The following RAB11FIP4 variants were observed in gnomAD, a reference collection of about 807,000 sequenced individuals.
The protein encoded by RAB11FIP4 is RAB11 family interacting protein 4, also known as rab11 family-interacting protein 4.
A neutral mutation model predicts 74.3 loss-of-function variants in RAB11FIP4; 23 were observed. That is an observed-to-expected ratio of 0.31 (90% confidence interval 0.22 to 0.44). RAB11FIP4 has a LOEUF of 0.44. RAB11FIP4 is among the 20% of genes least tolerant of loss of function. The probability of loss-of-function intolerance (pLI) is 1.00; values close to 1 mark genes in which losing one functional copy is unlikely to be tolerated. For synonymous variants in RAB11FIP4, 360 were observed against 359.9 expected (o/e 1.00, Z 0.00); for missense variants, 630 against 863.9 (o/e 0.73, Z 3.39).
At chr17:31,449,950 G>C (rs1331017660) in intron 3 of RAB11FIP4, among the ~76,000 whole-genome samples, 1 of 152,190 alleles carries the variant, frequency 6.6e-6, no homozygotes, top group African/African-American at 2.4e-5. Flanking sequence ...GTGGTGAATA[G>C]ATCAGGGTAA....
intron 3 of RAB11FIP4, among the ~76,000 whole-genome samples, chr17:31,480,252 T>C (rs531791558): frequency 6.6e-6 from 1 of 152,224 alleles, no homozygotes; most frequent in African/African-American, 2.4e-5. Context: ...CCCTGTCAGA[T>C]GTTACTGCTG....
intron 3 of RAB11FIP4, among the ~76,000 whole-genome samples, chr17:31,508,911 G>A (rs1390069308): frequency 6.6e-6 from 1 of 152,180 alleles, no homozygotes; most frequent in Non-Finnish European, 1.5e-5. Flanking sequence ...GACAGCTCAA[G>A]AGTTGTGATG....
intron 9 of RAB11FIP4, 165 bp from the exon 10 acceptor site, chr17:31,524,925 T>G (rs2074148): frequency 0.69 from 538,314 of 784,468 alleles, 186,958 homozygotes; most frequent in African/African-American, 0.87. Context: ...ACCCCCTCTA[T>G]ATGTGCGGTG....
intron 3 of RAB11FIP4, among the ~76,000 whole-genome samples, chr17:31,476,172 C>CTTTTTTTTTTT (rs71369069): frequency 1.3e-4 from 8 of 63,570 alleles, no homozygotes; most frequent in South Asian, 9.1e-4. Context: ...ATCGACTGAA[C>CTTTTTTTTTTT]TTTTTTTTTT....
chr17:31,396,027 T>G (rs2151612321), intron 1 of RAB11FIP4, among the ~76,000 whole-genome samples: 1 of 151,530 alleles, frequency 6.6e-6, no homozygotes, highest in Non-Finnish European at 1.5e-5. Context: ...CTACAAAAAA[T>G]ACAAAAATTA....
chr17:31,496,434 G>A (rs1450020681), intron 3 of RAB11FIP4, among the ~76,000 whole-genome samples: 1 of 152,198 alleles, frequency 6.6e-6, no homozygotes, highest in African/African-American at 2.4e-5. Flanking sequence ...GAAAATGAGG[G>A]CTGGGAGTGG....
At chr17:31,404,189 G>A (rs1054946142) in intron 1 of RAB11FIP4, among the ~76,000 whole-genome samples, 17 of 152,284 alleles carry the variant, frequency 1.1e-4, no homozygotes, top group African/African-American at 2.4e-4. Context: ...CCAGTTGGCC[G>A]CCCCGCCAGC....
In RAB11FIP4 at chr17:31,528,500, A is replaced by G; in HGVS notation, c.1451A>G (p.Gln484Arg). The G allele has an allele frequency of 6.2e-7, 1 of 1,613,872 alleles. No individual in the cohort carries two copies. The highest frequency in any genetic ancestry group is 8.5e-7 in the Non-Finnish European group (1 of 1,180,038). The change falls in exon 12 of 15, where the codon CAG becomes CGG. Residue 484 changes from glutamine (Q) to arginine (R), a missense_variant. Physicochemically the swap from Gln to Arg is conservative, Grantham distance 43. Coordinates refer to ENST00000621161, the MANE Select transcript of RAB11FIP4 (RefSeq NM_032932.6). The part of the protein sequence containing the change: ...LYKRMMDKLR[Q>R]NRLEFQKERE... ...AAGCGCATGATGGACAAGCTGCGAC[A>G]GAACCGCCTTGAGTTCCAGAAGGAG...
At position 31,403,369 on chromosome 17, in the gene RAB11FIP4, C is replaced by T. The variant is rs925037482; in HGVS notation, c.159+11358C>T. 2.6e-5 allele frequency among the ~76,000 whole-genome samples: 4 copies of T among 151,686 alleles called. No homozygotes were observed. In the East Asian group the frequency reaches 7.7e-4, roughly 29 times the overall value. On this transcript the variant is annotated intron_variant, in intron 1 of 14. Coordinates refer to ENST00000621161, the MANE Select transcript of RAB11FIP4 (RefSeq NM_032932.6). ...ATGGAGTCTCGCTCTGTCACCCAGG[C>T]TGGAGTGCAGTGGCGCAATCTCGGC...
At chr17:31,413,621 C>T (rs1226178342) in intron 1 of RAB11FIP4, among the ~76,000 whole-genome samples, 1 of 152,024 alleles carries the variant, frequency 6.6e-6, no homozygotes, top group Non-Finnish European at 1.5e-5. Context: ...ATTCCCATTC[C>T]CCACACCTGC....
At chr17:31,398,631 A>G (rs1005211318) in intron 1 of RAB11FIP4, among the ~76,000 whole-genome samples, 1 of 152,256 alleles carries the variant, frequency 6.6e-6, no homozygotes, top group African/African-American at 2.4e-5. Context: ...ATGGGCGTCC[A>G]GCCCATGAAG....
At chr17:31,393,241 C>T (rs984844151) in intron 1 of RAB11FIP4, among the ~76,000 whole-genome samples, 6 of 152,222 alleles carry the variant, frequency 3.9e-5, no homozygotes, top group East Asian at 1.9e-4. Flanking sequence ...CTGCCCTCTG[C>T]GGGGCTTTGC....
intron 3 of RAB11FIP4, among the ~76,000 whole-genome samples, chr17:31,438,709 T>A (rs1169170685): frequency 6.6e-6 from 1 of 152,062 alleles, no homozygotes. Context: ...ACCAAACCGC[T>A]CCCCGTTTCC....
chr17:31,404,772 G>C (rs142540501), intron 1 of RAB11FIP4, among the ~76,000 whole-genome samples: 1 of 152,166 alleles, frequency 6.6e-6, no homozygotes, highest in African/African-American at 2.4e-5. Flanking sequence ...GGAAGGGTGC[G>C]GGCTTGTGCA....
At chr17:31,525,348 T>C in intron 10 of RAB11FIP4, 118 bp downstream of exon 10, 3 of 1,021,574 alleles carry the variant, frequency 2.9e-6, no homozygotes, top group Non-Finnish European at 2.8e-6. Context: ...GGCAGCCTCT[T>C]GAGACTTTCC....
chr17:31,459,240 G>C (rs770060447), intron 3 of RAB11FIP4, among the ~76,000 whole-genome samples: 29 of 152,208 alleles, frequency 1.9e-4, no homozygotes, highest in Admixed American at 1.2e-3. Context: ...ACTCTCAGCT[G>C]TTCAGGGATC....
rs1198586423 is a variant in RAB11FIP4, at chr17:31,535,209, A to C, written c.*3477A>C. 6.6e-6 allele frequency: 1 copy of C among 151,358 alleles called. No homozygotes were observed. Among genetic ancestry groups the C allele is most frequent in the Non-Finnish European group, 1.5e-5 (1 of 67,942 alleles). The allele number at this position is 151,358 out of a possible 1,614,324, so 9.4% of individuals were successfully genotyped here. A position where few individuals can be genotyped will look rare whatever the true frequency, so the allele number is the denominator to read the frequency against. ...AGTGGCAGGCGGATCACTTGAGCTC[A>C]GGAGTCCTAAACCAGCCTGGGCAAC... On this transcript the variant is annotated 3_prime_UTR_variant, in exon 15 of 15. Coordinates refer to ENST00000621161, the MANE Select transcript of RAB11FIP4 (RefSeq NM_032932.6).
intron 1 of RAB11FIP4, among the ~76,000 whole-genome samples, chr17:31,430,703 AG>A (rs2071301475): frequency 6.6e-6 from 1 of 152,006 alleles, no homozygotes; most frequent in Admixed American, 6.6e-5. Context: ...TGATACTGGA[AG>A]GTTTTAAGCA....
intron 1 of RAB11FIP4, among the ~76,000 whole-genome samples, chr17:31,421,499 G>T (rs568644558): frequency 6.8e-6 from 1 of 147,902 alleles, no homozygotes; most frequent in Admixed American, 6.8e-5. Flanking sequence ...GATTACAAAC[G>T]TGAGCCACTG....
Sources: gnomAD v4.1 joint callset for allele counts (sites outside exome capture counted in the v4.1 genomes callset) on GRCh38, gnomAD v4.1.1 for gene constraint, MANE v1.5 for transcripts, NCBI Gene and HGNC (gene_info 2026-07-23, HGNC 2026-07-21) for gene names.